The following SHISA9 variants were observed in gnomAD, a reference collection of about 807,000 sequenced individuals.
The protein encoded by SHISA9 is shisa family member 9, also known as protein shisa-9.
Under a neutral mutation model 38.0 loss-of-function variants are expected in SHISA9, and 13 were observed. The observed-to-expected ratio is 0.34, with a 90% confidence interval of 0.22 to 0.54. The LOEUF (loss-of-function observed/expected upper bound fraction) is 0.54. SHISA9 is among the 20% of genes least tolerant of loss of function. The pLI is 0.91. For missense variants in SHISA9, 538 were observed against 575.8 expected, an observed-to-expected ratio of 0.93 and a Z score of 0.67; for synonymous variants, 275 against 242.0, an observed-to-expected ratio of 1.14 and a Z score of -1.27.
At chr16:12,911,377 C>T in intron 1 of SHISA9, 3 of 985,430 alleles carry the variant, frequency 3.0e-6, no homozygotes, top group Non-Finnish European at 3.6e-6. Context: ...ATTTTTTCAG[C>T]ACATTCCTGT....
At chr16:13,225,038 TG>T (rs2051265592) in intron 4 of SHISA9, among the ~76,000 whole-genome samples, 4 of 152,154 alleles carry the variant, frequency 2.6e-5, no homozygotes, top group Admixed American at 2.6e-4. Context: ...TGAATTAATG[TG>T]GGCCCTAATC....
chr16:13,293,836 G>A, the SHISA9 span, among the ~76,000 whole-genome samples: 3 of 152,224 alleles, frequency 2.0e-5, no homozygotes, highest in African/African-American at 4.8e-5. Context: ...GGTTGTATGT[G>A]TGTCTAAGGA....
the SHISA9 span, among the ~76,000 whole-genome samples, chr16:13,326,415 A>T: frequency 6.6e-6 from 1 of 152,140 alleles, no homozygotes; most frequent in Non-Finnish European, 1.5e-5. Flanking sequence ...TCCTTGCATC[A>T]CTTCTTTCAA....
chr16:13,146,443 C>G (rs2050448190), intron 2 of SHISA9, among the ~76,000 whole-genome samples: 1 of 152,070 alleles, frequency 6.6e-6, no homozygotes, highest in South Asian at 2.1e-4. Context: ...TTGATACAGG[C>G]ATGTAATGCA....
intron 4 of SHISA9, among the ~76,000 whole-genome samples, chr16:13,223,748 C>T (rs2051252543): frequency 6.6e-6 from 1 of 152,112 alleles, no homozygotes; most frequent in Admixed American, 6.6e-5. Context: ...GGTGGAAGGC[C>T]ACGGAAGAGC....
intron 2 of SHISA9, among the ~76,000 whole-genome samples, chr16:13,032,808 C>A (rs2073007808): frequency 6.6e-6 from 1 of 152,198 alleles, no homozygotes; most frequent in Admixed American, 6.5e-5. Context: ...AGATCTCTCA[C>A]AGACAGGAGT....
At chr16:13,545,286 T>C in the SHISA9 span, among the ~76,000 whole-genome samples, 1 of 152,200 alleles carries the variant, frequency 6.6e-6, no homozygotes, top group Non-Finnish European at 1.5e-5. Context: ...TTTCACCAAA[T>C]GGTCTGATTG....
intron 2 of SHISA9, among the ~76,000 whole-genome samples, chr16:12,983,340 C>T (rs1166743204): frequency 6.6e-6 from 1 of 152,184 alleles, no homozygotes; most frequent in Non-Finnish European, 1.5e-5. Flanking sequence ...TGGTTTCTCC[C>T]TCTGGAAAAC....
At chr16:13,047,330 A>G (rs1345504902) in intron 2 of SHISA9, among the ~76,000 whole-genome samples, 1 of 151,986 alleles carries the variant, frequency 6.6e-6, no homozygotes, top group Non-Finnish European at 1.5e-5. Context: ...AGACCATTAA[A>G]AAAAAAAAAG....
At chr16:13,069,414 A>C (rs929432910) in intron 2 of SHISA9, among the ~76,000 whole-genome samples, 6 of 151,836 alleles carry the variant, frequency 4.0e-5, no homozygotes, top group Middle Eastern at 3.2e-3. Flanking sequence ...CAATGTGTGC[A>C]TGTGTGTGTA....
chr16:13,192,646 C>T (rs114148961), intron 2 of SHISA9, among the ~76,000 whole-genome samples: 1,886 of 152,128 alleles, frequency 0.012, 38 homozygotes, highest in African/African-American at 0.042. Flanking sequence ...CAGGCCGAGG[C>T]GGGTGGATCA....
chr16:13,451,186 T>C, the SHISA9 span, among the ~76,000 whole-genome samples: 5 of 152,198 alleles, frequency 3.3e-5, no homozygotes, highest in African/African-American at 1.2e-4. Flanking sequence ...GCGTGTTCCA[T>C]GCTGGCTCTT....
chr16:13,055,014 C>A (rs1275192911), intron 2 of SHISA9, among the ~76,000 whole-genome samples: 4 of 152,212 alleles, frequency 2.6e-5, no homozygotes, highest in Non-Finnish European at 4.4e-5. Context: ...CTTTGTCCTA[C>A]AATCACAAGC....
At chr16:13,014,166 A>G (rs2072713417) in intron 2 of SHISA9, among the ~76,000 whole-genome samples, 1 of 152,218 alleles carries the variant, frequency 6.6e-6, no homozygotes, top group Non-Finnish European at 1.5e-5. Flanking sequence ...ACTGAGGCAG[A>G]GAGCAGTTAG....
At chr16:13,436,334 A>G in the SHISA9 span, among the ~76,000 whole-genome samples, 1 of 152,244 alleles carries the variant, frequency 6.6e-6, no homozygotes, top group Non-Finnish European at 1.5e-5. Context: ...TATGCTAACC[A>G]TAATGCATTA....
In SHISA9 at chr16:13,052,587, C is replaced by T. The variant is rs541006619; in HGVS notation, c.691+135772C>T. Reference sequence around the variant, plus strand: ...CAATCTATGGCAGAAATACAACTGACGGACAGACACTTTGCAAAACCCTAT... The same window carrying T: ...CAATCTATGGCAGAAATACAACTGATGGACAGACACTTTGCAAAACCCTAT... On this transcript the variant is annotated intron_variant, in intron 2 of 4. Coordinates refer to ENST00000558583, the MANE Select transcript of SHISA9 (RefSeq NM_001145204.3). 5.9e-5 allele frequency among the ~76,000 whole-genome samples: 9 copies of T among 152,278 alleles called. No individual in the cohort carries two copies. The South Asian group carries it at 1.2e-3, about 21-fold the overall frequency.
downstream of SHISA9, among the ~76,000 whole-genome samples, chr16:13,244,322 G>A (rs1483457525): frequency 6.6e-6 from 1 of 152,068 alleles, no homozygotes; most frequent in East Asian, 1.9e-4. Flanking sequence ...AACTGCAGGG[G>A]TCCACTTATG....
chr16:13,051,770 A>T (rs1596613327), intron 2 of SHISA9, among the ~76,000 whole-genome samples: 1 of 145,810 alleles, frequency 6.9e-6, no homozygotes, highest in Admixed American at 6.9e-5. Context: ...TAAAATTTAC[A>T]TTTTTTTTTT....
intron 2 of SHISA9, among the ~76,000 whole-genome samples, chr16:13,147,039 T>C (rs1276823202): frequency 6.6e-6 from 1 of 152,092 alleles, no homozygotes; most frequent in Non-Finnish European, 1.5e-5. Flanking sequence ...AATGAATGAG[T>C]GAGTATAGTA....
Sources: allele counts gnomAD v4.1 joint callset (sites outside exome capture counted in the v4.1 genomes callset), GRCh38; gene constraint gnomAD v4.1.1; transcripts MANE v1.5; gene names NCBI Gene and HGNC (gene_info 2026-07-23, HGNC 2026-07-21).